The following STON1 variants were observed in gnomAD, a reference collection of about 807,000 sequenced individuals.
STON1 encodes the protein stonin-1.
In STON1, 79 loss-of-function variants were observed where a neutral mutation model predicts 60.9. That is an observed-to-expected ratio of 1.30 (90% CI 1.08 to 1.56). STON1 has a LOEUF of 1.56. STON1 is among the 40% of genes most tolerant of loss of function. The pLI is 0.00. For missense variants in STON1, 1,166 were observed against 858.9 expected (o/e 1.36, Z -4.47); for synonymous variants, 363 against 306.9 (o/e 1.18, Z -1.91).
In STON1 at chr2:48,584,456, C is replaced by A. The variant is rs141465079; in HGVS notation, c.1930+1893C>A. On this transcript the variant is annotated intron_variant, in intron 2 of 3. Transcript: ENST00000404752. The stretch of plus-strand genomic sequence containing the variant: ...CTAGTTTTTTTATTTTTAGTAGAGA[C>A]GGGGTTTTCCCATGTTGGCCAGACT... 1.2e-3 allele frequency among the ~76,000 whole-genome samples: 182 copies of A among 151,950 alleles called. 1 individual carries two copies. Among genetic ancestry groups the A allele is most frequent in the African/African-American group, 4.2e-3 (174 of 41,440 alleles).
At chr2:48,576,936 C>A (rs1210266535) in intron 1 of STON1, among the ~76,000 whole-genome samples, 8 of 151,950 alleles carry the variant, frequency 5.3e-5, no homozygotes, top group Non-Finnish European at 1.2e-4. Context: ...CGCCTGTAGT[C>A]CCAGCTACTT....
At position 48,581,544 on chromosome 2, in the gene STON1, G is replaced by A; in HGVS notation, c.911G>A (p.Gly304Glu). The change falls in exon 2 of 4, where the codon GGA becomes GAA. Residue 304 changes from glycine to glutamate, a missense_variant. Coordinates refer to ENST00000404752, the MANE Select transcript of STON1 (RefSeq NM_006873.4). The stretch of plus-strand genomic sequence containing the variant: ...CCAATTTTTCTGAAAGTTTTGCCTG[G>A]AGGAATTTTGCAGATGTATTATGAA... Reference protein sequence around the residue: ...WGPIFLKVLPGGILQMYYEQG... With the variant: ...WGPIFLKVLPEGILQMYYEQG... 6.2e-7 allele frequency: 1 copy of A among 1,614,196 alleles called. No individual in the cohort carries two copies. The highest frequency in any genetic ancestry group is 1.1e-5 in the South Asian group (1 of 91,082).
intron 1 of STON1, among the ~76,000 whole-genome samples, chr2:48,571,995 T>C (rs1673232907): frequency 6.6e-6 from 1 of 152,068 alleles, no homozygotes; most frequent in African/African-American, 2.4e-5. Flanking sequence ...AAACCCTGTC[T>C]CTACTAAAAA....
intron 1 of STON1, among the ~76,000 whole-genome samples, chr2:48,574,102 G>A (rs572192198): frequency 2.0e-5 from 3 of 152,048 alleles, no homozygotes; most frequent in South Asian, 4.2e-4. Flanking sequence ...TTGGCCAGGT[G>A]CAGTGGCTCA....
intron 1 of STON1, among the ~76,000 whole-genome samples, chr2:48,575,204 T>C (rs1673413510): frequency 6.6e-6 from 1 of 152,242 alleles, no homozygotes; most frequent in Non-Finnish European, 1.5e-5. Context: ...TTCTTCCTTT[T>C]AATACTGAAT....
At chr2:48,537,973 C>T (rs767118980) in intron 1 of STON1, among the ~76,000 whole-genome samples, 12 of 146,510 alleles carry the variant, frequency 8.2e-5, no homozygotes, top group Admixed American at 4.7e-4. Flanking sequence ...TTTTTTTTTT[C>T]GAGACAGAGT....
intron 2 of STON1, among the ~76,000 whole-genome samples, chr2:48,586,615 G>C (rs1674222393): frequency 6.6e-6 from 1 of 152,176 alleles, no homozygotes. Context: ...TCTTACCTAA[G>C]TTTTGGGGCT....
At chr2:48,538,133 A>G (rs1171484952) in intron 1 of STON1, among the ~76,000 whole-genome samples, 1 of 151,548 alleles carries the variant, frequency 6.6e-6, no homozygotes, top group Non-Finnish European at 1.5e-5. Context: ...AATTTTTTGT[A>G]TTTTTAGTAG....
Position 48,580,826 on chromosome 2 carries a change from C to A in STON1, c.193C>A (p.Pro65Thr), listed in dbSNP as rs151071170. 2.1e-5 allele frequency: 32 copies of A among 1,547,846 alleles called. No individual in the cohort carries two copies. In the Middle Eastern group the frequency reaches 6.9e-4, roughly 33 times the overall value. Residue 65 changes from proline (P) to threonine (T), a missense_variant, in exon 2 of 4, where the codon CCC becomes ACC. Physicochemically the swap from Pro to Thr is conservative, Grantham distance 38. Coordinates refer to ENST00000404752, the MANE Select transcript of STON1 (RefSeq NM_006873.4). ...SSTSSTPLSS[P>T]IVDFYFSPGP... ...CACCAGCAGCACTCCTCTCTCCTCCCCCATTGTAGATTTTTATTTCAGTCC... is the reference window on the plus strand; with the variant it reads ...CACCAGCAGCACTCCTCTCTCCTCCACCATTGTAGATTTTTATTTCAGTCC...
At chr2:48,559,842 G>T (rs1672535616) in intron 1 of STON1, among the ~76,000 whole-genome samples, 1 of 152,182 alleles carries the variant, frequency 6.6e-6, no homozygotes, top group East Asian at 1.9e-4. Context: ...TGTGATACAA[G>T]AATTTGTACC....
intron 2 of STON1, 151 bp downstream of exon 2, chr2:48,582,714 C>T (rs368437852): frequency 1.5e-6 from 2 of 1,351,226 alleles, no homozygotes; most frequent in African/African-American, 1.5e-5. Context: ...AGCTAAACAG[C>T]TGGTTTATTT....
At chr2:48,547,801 C>T (rs1360054174) in intron 1 of STON1, among the ~76,000 whole-genome samples, 1 of 152,174 alleles carries the variant, frequency 6.6e-6, no homozygotes, top group Non-Finnish European at 1.5e-5. Context: ...AAAGTTTAAT[C>T]TTGTCTACAT....
intron 1 of STON1, among the ~76,000 whole-genome samples, chr2:48,564,480 T>TTCTTTCTTC (rs1558604783): frequency 1.2e-4 from 4 of 32,492 alleles, no homozygotes; most frequent in Non-Finnish European, 1.3e-4. Context: ...CTTCTTCTTC[T>TTCTTTCTTC]TTCTTCTTCT....
chr2:48,540,313 G>C (rs191735337), intron 1 of STON1, among the ~76,000 whole-genome samples: 103 of 152,190 alleles, frequency 6.8e-4, no homozygotes, highest in Admixed American at 2.4e-3. Flanking sequence ...TATAATACTG[G>C]GTGTGTTAGG....
chr2:48,556,998 C>T (rs867471677), intron 1 of STON1, among the ~76,000 whole-genome samples: 1,394 of 75,210 alleles, frequency 0.019, 64 homozygotes, highest in African/African-American at 0.052. Flanking sequence ...CCCTCCTGGA[C>T]GGCACGGCTG....
At chr2:48,536,797 A>C (rs184459430) in intron 1 of STON1, among the ~76,000 whole-genome samples, 277 of 152,154 alleles carry the variant, frequency 1.8e-3, no homozygotes, top group African/African-American at 6.2e-3. Flanking sequence ...TTCTCCTTTT[A>C]TTCAGGTGAA....
chr2:48,598,387 C>G lies in STON1; in HGVS notation c.*3085C>G, dbSNP rs1451025144. On this transcript the variant is annotated 3_prime_UTR_variant, in exon 4 of 4. Transcript: ENST00000404752. Reference sequence around the variant, plus strand: ...TCCTTAACAATGACTATTATAATGTCTTACTTAAAATACAGTTTTGTATTC... The same window carrying G: ...TCCTTAACAATGACTATTATAATGTGTTACTTAAAATACAGTTTTGTATTC... 2.0e-5 allele frequency: 3 copies of G among 152,554 alleles called. No homozygotes were observed. Among genetic ancestry groups the G allele is most frequent in the Non-Finnish European group, 4.4e-5 (3 of 68,036 alleles). The allele number at this position is 152,554 out of a possible 1,614,324, so 9.5% of individuals were successfully genotyped here. A position where few individuals can be genotyped will look rare whatever the true frequency, so the allele number is the denominator to read the frequency against.
intron 2 of STON1, among the ~76,000 whole-genome samples, chr2:48,583,776 G>A (rs1357132495): frequency 3.6e-5 from 5 of 140,468 alleles, no homozygotes; most frequent in Non-Finnish European, 7.6e-5. Flanking sequence ...TTTTTGAGAT[G>A]GAGTCTCGCT....
chr2:48,583,990 C>T (rs1674055489), intron 2 of STON1, among the ~76,000 whole-genome samples: 1 of 151,970 alleles, frequency 6.6e-6, no homozygotes, highest in Non-Finnish European at 1.5e-5. Flanking sequence ...ACTTTGTGAT[C>T]CTCCCACCTC....
Sources: gnomAD v4.1 joint callset for allele counts (sites outside exome capture counted in the v4.1 genomes callset) on GRCh38, gnomAD v4.1.1 for gene constraint, MANE v1.5 for transcripts, NCBI Gene and HGNC (gene_info 2026-07-23, HGNC 2026-07-21) for gene names.